The following ATP2B2 variants were observed in gnomAD, a reference collection of about 807,000 sequenced individuals.
ATP2B2 encodes the protein ATPase plasma membrane Ca2+ transporting 2.
In ATP2B2, 15 loss-of-function variants were observed where a neutral mutation model predicts 120.0. That is an observed-to-expected ratio of 0.12 (90% CI 0.08 to 0.19). The LOEUF (loss-of-function observed/expected upper bound fraction) is 0.19. ATP2B2 is among the 10% of genes least tolerant of loss of function. The probability of loss-of-function intolerance (pLI) is 1.00; values close to 1 mark genes in which losing one functional copy is unlikely to be tolerated. For synonymous variants in ATP2B2, 694 were observed against 700.3 expected, an observed-to-expected ratio of 0.99 and a Z score of 0.14; for missense variants, 1,045 against 1,719.8, an observed-to-expected ratio of 0.61 and a Z score of 6.94.
At chr3:10,596,999 GCACA>G (rs2068781299) in intron 2 of ATP2B2, among the ~76,000 whole-genome samples, 2 of 143,492 alleles carry the variant, frequency 1.4e-5, no homozygotes, top group African/African-American at 5.3e-5. Flanking sequence ...AGGTGCACAC[GCACA>G]CAGGCACACA....
In ATP2B2 at chr3:10,471,863, G is replaced by A. The variant is rs868606627; in HGVS notation, c.-319-22001C>T. Reference sequence around the variant, plus strand: ...TGGGAGGCCGAGGCGGGCGGATAACGAGGTCAGGAGATCGAGACCATCCTG... The same window carrying A: ...TGGGAGGCCGAGGCGGGCGGATAACAAGGTCAGGAGATCGAGACCATCCTG... On this transcript the variant is annotated intron_variant, in intron 1 of 22. Transcript: ENST00000360273. Among the ~76,000 whole-genome samples, 17 of 151,932 alleles carry A rather than the reference G, an allele frequency of 1.1e-4. 1 individual carries two copies. Among genetic ancestry groups the A allele is most frequent in the African/African-American group, 3.4e-4 (14 of 41,484 alleles).
chr3:10,650,965 G>C (rs186026869), intron 1 of ATP2B2, among the ~76,000 whole-genome samples: 172 of 152,318 alleles, frequency 1.1e-3, no homozygotes, highest in African/African-American at 4.0e-3. Flanking sequence ...CTGCCCTGCT[G>C]GATTTTGGAC....
intron 12 of ATP2B2, among the ~76,000 whole-genome samples, chr3:10,370,002 AT>A (rs1480440512): frequency 6.6e-6 from 1 of 152,144 alleles, no homozygotes; most frequent in African/African-American, 2.4e-5. Flanking sequence ...GAGGTAAGGG[AT>A]CTGGCCTGGG....
At chr3:10,493,070 C>T (rs1241992528) in intron 1 of ATP2B2, among the ~76,000 whole-genome samples, 6 of 152,198 alleles carry the variant, frequency 3.9e-5, no homozygotes, top group African/African-American at 9.7e-5. Context: ...CTGCTGAGCA[C>T]CTCCCCTGTC....
At chr3:10,616,489 G>C (rs897890966) in intron 2 of ATP2B2, among the ~76,000 whole-genome samples, 1 of 152,146 alleles carries the variant, frequency 6.6e-6, no homozygotes, top group Non-Finnish European at 1.5e-5. Flanking sequence ...ACTTTGTTAT[G>C]GCAGCCCTAA....
chr3:10,628,033 G>C (rs2069754942), intron 1 of ATP2B2, among the ~76,000 whole-genome samples: 1 of 152,118 alleles, frequency 6.6e-6, no homozygotes, highest in South Asian at 2.1e-4. Context: ...GGAGAGGCTG[G>C]GCAATGCAAA....
At position 10,421,045 on chromosome 3, in the gene ATP2B2, C is replaced by T. The variant is rs550149748; in HGVS notation, c.200-10230G>A. Among the ~76,000 whole-genome samples, 4 of 152,288 alleles carry T rather than the reference C, an allele frequency of 2.6e-5. No homozygotes were observed. In the South Asian group the frequency reaches 8.3e-4, roughly 32 times the overall value. On this transcript the variant is annotated intron_variant, in intron 2 of 22. Transcript: ENST00000360273. ...GGGACTTGTTAGAAATGCACATTCT[C>T]AGGGCCCACCCAGACCTACTGAGTC...
rs1437585400 is a variant in ATP2B2, at chr3:10,610,064, C to CGT, written c.-415+9852_-415+9853insAC. On this transcript the variant is annotated intron_variant, in intron 2 of 21. Coordinates refer to the ATP2B2 transcript ENST00000646379. The stretch of plus-strand genomic sequence containing the variant: ...TTCTTGTGCTTCTCATACACATATA[C>CGT]ATATACACACATACACACACACACA... 3.3e-4 allele frequency among the ~76,000 whole-genome samples: 33 copies of CGT among 99,936 alleles called. 1 individual carries two copies. Among genetic ancestry groups the CGT allele is most frequent in the Non-Finnish European group, 4.5e-4 (21 of 47,040 alleles). 65.6% of individuals were successfully genotyped at this position (99,936 alleles called of 152,430 possible).
chr3:10,637,871 T>A, intron 1 of ATP2B2, among the ~76,000 whole-genome samples: 1 of 149,322 alleles, frequency 6.7e-6, no homozygotes. Flanking sequence ...GGAAAACAAG[T>A]GGGAAGGAGA....
chr3:10,407,085 G>T (rs537946452), intron 3 of ATP2B2, among the ~76,000 whole-genome samples: 85 of 152,294 alleles, frequency 5.6e-4, no homozygotes, highest in African/African-American at 2.0e-3. Context: ...TTTCTCCCCA[G>T]TGCGGGAAGC....
At chr3:10,689,546 C>T (rs78602749) in intron 1 of ATP2B2, among the ~76,000 whole-genome samples, 1,687 of 152,144 alleles carry the variant, frequency 0.011, 25 homozygotes, top group African/African-American at 0.038. Context: ...AAAATAAGAC[C>T]TCCTTGGTCA....
chr3:10,685,343 G>A (rs1313623837), intron 1 of ATP2B2, among the ~76,000 whole-genome samples: 1 of 152,204 alleles, frequency 6.6e-6, no homozygotes, highest in African/African-American at 2.4e-5. Flanking sequence ...TGATCTTCAA[G>A]CAGGCAGCTG....
intron 1 of ATP2B2, among the ~76,000 whole-genome samples, chr3:10,502,656 T>A (rs1368179053): frequency 6.6e-6 from 1 of 152,216 alleles, no homozygotes; most frequent in East Asian, 1.9e-4. Context: ...CATCAGCAAC[T>A]CCATAGGGTA....
rs1394215764 is a variant in ATP2B2 at position 10,488,232 on chromosome 3, CCTAT to C, written c.-320+17229_-320+17232del. Among the ~76,000 whole-genome samples the C allele has an allele frequency of 0.01, 950 of 94,780 alleles. 41 individuals carry two copies. In the South Asian group the frequency reaches 0.13, roughly 13 times the overall value. The allele number at this position is 94,780 out of a possible 152,430, so 62.2% of individuals were successfully genotyped here. On this transcript the variant is annotated intron_variant, in intron 1 of 22. Coordinates refer to ENST00000360273, the MANE Select transcript of ATP2B2 (RefSeq NM_001001331.4). ...ATCCATCCATCCATCCACTCATCCACCTATCCATCCATCCATCCATCCATCCATC... is the reference window on the plus strand; with the variant it reads ...ATCCATCCATCCATCCACTCATCCACCCATCCATCCATCCATCCATCCATC...
intron 1 of ATP2B2, among the ~76,000 whole-genome samples, chr3:10,672,250 C>T (rs1180909277): frequency 1.3e-5 from 2 of 152,230 alleles, no homozygotes; most frequent in African/African-American, 4.8e-5. Context: ...GGCGCTCCAG[C>T]TTCCAAGCCC....
intron 1 of ATP2B2, among the ~76,000 whole-genome samples, chr3:10,486,624 A>T (rs957847301): frequency 6.6e-6 from 1 of 151,972 alleles, no homozygotes; most frequent in Non-Finnish European, 1.5e-5. Context: ...ACCTACTAGC[A>T]AGGTCCTCCC....
chr3:10,540,774 T>C (rs1461281247), intron 2 of ATP2B2, among the ~76,000 whole-genome samples: 1 of 151,058 alleles, frequency 6.6e-6, no homozygotes, highest in Non-Finnish European at 1.5e-5. Flanking sequence ...ATGTTAATGA[T>C]GAGTTAATGG....
intron 2 of ATP2B2, among the ~76,000 whole-genome samples, chr3:10,588,881 T>C (rs1220408742): frequency 6.6e-6 from 1 of 152,222 alleles, no homozygotes; most frequent in Non-Finnish European, 1.5e-5. Flanking sequence ...CCCTTTTATA[T>C]TTAAGTCCAT....
intron 8 of ATP2B2, among the ~76,000 whole-genome samples, chr3:10,380,233 G>A (rs978908196): frequency 2.2e-4 from 33 of 152,230 alleles, no homozygotes; most frequent in African/African-American, 6.3e-4. Flanking sequence ...GGTGTGCAAT[G>A]TGGGCAATGG....
Sources: gnomAD v4.1 joint callset for allele counts (sites outside exome capture counted in the v4.1 genomes callset) on GRCh38, gnomAD v4.1.1 for gene constraint, MANE v1.5 for transcripts, NCBI Gene and HGNC (gene_info 2026-07-23, HGNC 2026-07-21) for gene names.